Variants in WDR47 observed in about 807,000 individuals in gnomAD.
WDR47 encodes the protein WD repeat domain 47, also known as WD repeat-containing protein 47.
In WDR47, 32 loss-of-function variants were observed where a neutral mutation model predicts 97.2. The ratio of observed to expected loss-of-function variants is 0.33; its 90% CI spans 0.25 to 0.44. WDR47 has a LOEUF of 0.44. WDR47 is among the 20% of genes least tolerant of loss of function. The pLI, the probability that WDR47 is intolerant of heterozygous loss-of-function variation, is 1.00. For missense variants in WDR47, 782 were observed against 1,102.3 expected (o/e 0.71, Z 4.11); for synonymous variants, 375 against 373.5 (o/e 1.00, Z -0.05).
intron 13 of WDR47, among the ~76,000 whole-genome samples, chr1:108,979,410 C>A (rs1400415168): frequency 6.6e-6 from 1 of 152,132 alleles, no homozygotes; most frequent in East Asian, 1.9e-4. Context: ...CCTATGGTCC[C>A]AGCCACTCGG....
rs761855588 is a variant in WDR47 at position 109,013,932 on chromosome 1, G to GA, written c.243-8dup. ...CAGGATAATATAACGAAACCTGTGG[G>GA]AAAAAAATGAAGCATTAATTTTTCC... is the stretch of plus-strand genomic sequence containing the variant. On this transcript the variant is annotated splice_region_variant and splice_polypyrimidine_tract_variant and intron_variant, in intron 3 of 14. Transcript: ENST00000369962. 7.5e-6 allele frequency: 12 copies of GA among 1,590,848 alleles called. No homozygotes were observed. Among genetic ancestry groups the GA allele is most frequent in the Admixed American group, 1.8e-5 (1 of 56,662 alleles).
chr1:109,004,116 T>A (rs1660401982), intron 6 of WDR47, among the ~76,000 whole-genome samples: 1 of 151,746 alleles, frequency 6.6e-6, no homozygotes, highest in Admixed American at 6.6e-5. Flanking sequence ...TACAAAAAAA[T>A]CAGCCAGGTG....
chr1:108,999,632 C>A (rs1370501241), intron 7 of WDR47, among the ~76,000 whole-genome samples: 2 of 151,100 alleles, frequency 1.3e-5, no homozygotes, highest in East Asian at 3.9e-4. Flanking sequence ...CATGACCACA[C>A]TACTGCACTC....
chr1:109,039,989 T>C (rs537526057), intron 1 of WDR47, among the ~76,000 whole-genome samples: 1 of 136,080 alleles, frequency 7.3e-6, no homozygotes, highest in Non-Finnish European at 1.5e-5. Flanking sequence ...TGAGCCGAGA[T>C]CATGCCACTG....
At chr1:109,028,780 G>T (rs1309188661) in intron 1 of WDR47, among the ~76,000 whole-genome samples, 2 of 151,916 alleles carry the variant, frequency 1.3e-5, no homozygotes, top group African/African-American at 2.4e-5. Context: ...AAACATTTTT[G>T]AGGTTAATTT....
chr1:109,018,707 C>G (rs1329843404), intron 2 of WDR47, among the ~76,000 whole-genome samples: 2 of 151,552 alleles, frequency 1.3e-5, no homozygotes. Context: ...CCCAGCTACT[C>G]GGGAGGCTGA....
chr1:109,011,411 T>A lies in WDR47; in HGVS notation c.635A>T (p.Gln212Leu). ...LLYECCVEFC[Q>L]SKATGEEITE... The stretch of plus-strand genomic sequence containing the variant: ...AATTTCTTCTCCAGTTGCTTTACTC[T>A]GACAAAATTCTACACAGCATTCATA... The change falls in exon 5 of 15, where the codon CAG (glutamine) becomes CTG (leucine). Residue 212 changes from glutamine (Q) to leucine (L), a missense_variant. Physicochemically the swap from Gln to Leu is moderately radical, Grantham distance 113. Coordinates refer to ENST00000369962, the MANE Select transcript of WDR47 (RefSeq NM_001142551.2). The A allele has an allele frequency of 6.2e-7, 1 of 1,614,188 alleles. No homozygotes were observed.
At chr1:109,021,268 C>G (rs1275705515) in intron 2 of WDR47, among the ~76,000 whole-genome samples, 2 of 152,138 alleles carry the variant, frequency 1.3e-5, no homozygotes, top group Non-Finnish European at 2.9e-5. Context: ...TGGCTCATGT[C>G]TGTAATCCCA....
intron 8 of WDR47, among the ~76,000 whole-genome samples, chr1:108,994,033 T>C (rs1659571728): frequency 6.6e-6 from 1 of 152,118 alleles, no homozygotes; most frequent in Non-Finnish European, 1.5e-5. Flanking sequence ...TGATATATAC[T>C]GAAAATAAGG....
chr1:108,984,351 C>G (rs767479994), intron 10 of WDR47, among the ~76,000 whole-genome samples: 1 of 152,050 alleles, frequency 6.6e-6, no homozygotes, highest in Non-Finnish European at 1.5e-5. Context: ...AGAAAATGTA[C>G]ATGTTTCTGG....
chr1:109,002,163 T>C lies in WDR47; in HGVS notation c.1433+61A>G, dbSNP rs921161099. On this transcript the variant is annotated intron_variant, in intron 7 of 14. Transcript: ENST00000369962. ...AACTATACATAGAAAGTAGCAGTTA[T>C]TGCATGTTTTAAATAGCTTTCAAAT... The C allele has an allele frequency of 8.9e-6, 13 of 1,454,302 alleles. No homozygotes were observed. The African/African-American group carries it at 1.1e-4, about 13-fold the overall frequency. The allele number at this position is 1,454,302 out of a possible 1,614,324, so 90.1% of individuals were successfully genotyped here. A position where few individuals can be genotyped will look rare whatever the true frequency, so the allele number is the denominator to read the frequency against.
At chr1:109,000,955 C>T (rs180801560) in intron 7 of WDR47, among the ~76,000 whole-genome samples, 1 of 152,268 alleles carries the variant, frequency 6.6e-6, no homozygotes, top group East Asian at 1.9e-4. Context: ...AATCTTCCAA[C>T]AATCATTGCT....
intron 1 of WDR47, among the ~76,000 whole-genome samples, chr1:109,033,875 G>A (rs144289145): frequency 0.019 from 2,822 of 151,960 alleles, 89 homozygotes; most frequent in African/African-American, 0.065. Context: ...GCCGAGATCC[G>A]TGCCACTGCA....
intron 2 of WDR47, among the ~76,000 whole-genome samples, chr1:109,018,128 T>C (rs1363050396): frequency 1.3e-5 from 2 of 152,060 alleles, no homozygotes; most frequent in East Asian, 1.9e-4. Flanking sequence ...ATACTAACTA[T>C]ATATATGTGG....
intron 3 of WDR47, among the ~76,000 whole-genome samples, chr1:109,015,006 A>G (rs552572318): frequency 6.6e-6 from 1 of 152,180 alleles, no homozygotes; most frequent in South Asian, 2.1e-4. Flanking sequence ...CAAGGCCTCA[A>G]AAAAGTATGA....
At chr1:109,025,062 G>C in intron 1 of WDR47, 1 of 152,028 alleles carries the variant, frequency 6.6e-6, no homozygotes, top group Non-Finnish European at 1.5e-5. Flanking sequence ...TTTACTTTTG[G>C]GTTGATTTTT....
chr1:109,001,065 A>C (rs937113238), intron 7 of WDR47, among the ~76,000 whole-genome samples: 2 of 152,092 alleles, frequency 1.3e-5, no homozygotes, highest in Non-Finnish European at 2.9e-5. Flanking sequence ...GAGTGGGCGG[A>C]TCACTTGAGC....
intron 1 of WDR47, among the ~76,000 whole-genome samples, chr1:109,039,893 G>A (rs866757904): frequency 1.6e-4 from 25 of 151,994 alleles, no homozygotes; most frequent in East Asian, 9.7e-4. Flanking sequence ...AAAAGTAGCC[G>A]GGCGTGGTGG....
intron 2 of WDR47, among the ~76,000 whole-genome samples, chr1:109,021,728 C>T (rs1388021827): frequency 1.3e-5 from 2 of 151,988 alleles, no homozygotes; most frequent in East Asian, 1.9e-4. Context: ...GATTTCACCA[C>T]GTTGGCCAGG....
Sources: gnomAD v4.1 joint callset for allele counts (sites outside exome capture counted in the v4.1 genomes callset) on GRCh38, gnomAD v4.1.1 for gene constraint, MANE v1.5 for transcripts, NCBI Gene and HGNC (gene_info 2026-07-23, HGNC 2026-07-21) for gene names.